The following GALNT14 variants were observed in gnomAD, a reference collection of about 807,000 sequenced individuals.
The protein encoded by GALNT14 is polypeptide N-acetylgalactosaminyltransferase 14, also known as UDP-GalNAc:polypeptide N-acetylgalactosaminyltransferase 14.
A neutral mutation model predicts 77.5 loss-of-function variants in GALNT14; 60 were observed. That is an observed-to-expected ratio of 0.77 (90% CI 0.63 to 0.96). The LOEUF (loss-of-function observed/expected upper bound fraction) is 0.96. Among genes scored for constraint, GALNT14 ranks in the 40% least tolerant of loss-of-function variants. GALNT14 has a pLI of 0.00. For synonymous variants in GALNT14, 280 were observed against 281.7 expected (o/e 0.99, Z 0.06); for missense variants, 710 against 731.0 (o/e 0.97, Z 0.33).
In GALNT14 at chr2:31,119,850, T is replaced by C. The variant is rs1001447362; in HGVS notation, c.129+18108A>G. Among the ~76,000 whole-genome samples, 7 of 152,356 alleles carry C rather than the reference T, an allele frequency of 4.6e-5. 1 individual carries two copies. Among genetic ancestry groups the C allele is most frequent in the Admixed American group, 2.6e-4 (4 of 15,306 alleles). On this transcript the variant is annotated intron_variant, in intron 1 of 14. Coordinates refer to ENST00000349752, the MANE Select transcript of GALNT14 (RefSeq NM_024572.4). Reference sequence around the variant, plus strand: ...GTTACATCCACACTGCAGAATATTATGCAGTCATTAAAAATAATGAGCTAG... The same window carrying C: ...GTTACATCCACACTGCAGAATATTACGCAGTCATTAAAAATAATGAGCTAG...
chr2:31,114,321 A>T (rs563632549), intron 1 of GALNT14, among the ~76,000 whole-genome samples: 2 of 152,242 alleles, frequency 1.3e-5, no homozygotes, highest in South Asian at 4.1e-4. Flanking sequence ...AGCTGGAGAC[A>T]TGAGCAAACA....
chr2:31,009,030 G>C (rs1670854341), intron 1 of GALNT14, among the ~76,000 whole-genome samples: 1 of 152,166 alleles, frequency 6.6e-6, no homozygotes, highest in African/African-American at 2.4e-5. Context: ...CAATGCCCCG[G>C]GCTGCAGGAG....
chr2:31,124,008 G>C (rs980670372), intron 1 of GALNT14, among the ~76,000 whole-genome samples: 1 of 152,194 alleles, frequency 6.6e-6, no homozygotes, highest in African/African-American at 2.4e-5. Context: ...GGCCAGCAGA[G>C]AGCCACTGCT....
chr2:31,074,045 C>T (rs1675598161), intron 1 of GALNT14, among the ~76,000 whole-genome samples: 1 of 152,132 alleles, frequency 6.6e-6, no homozygotes, highest in Admixed American at 6.5e-5. Flanking sequence ...CCAACAGCTG[C>T]CTGTGAGTTG....
chr2:30,973,965 G>A (rs1668500896), intron 2 of GALNT14, among the ~76,000 whole-genome samples: 3 of 152,190 alleles, frequency 2.0e-5, no homozygotes, highest in Admixed American at 2.0e-4. Flanking sequence ...ATAGAGAAGT[G>A]AACTGCTTAG....
chr2:30,940,873 T>C (rs1666337205), intron 9 of GALNT14, among the ~76,000 whole-genome samples: 1 of 152,186 alleles, frequency 6.6e-6, no homozygotes, highest in Admixed American at 6.5e-5. Flanking sequence ...GGGGTGTTTT[T>C]CTGTTTTGTT....
chr2:30,906,078 G>T (rs1420378852), downstream of GALNT14, among the ~76,000 whole-genome samples: 4 of 150,788 alleles, frequency 2.7e-5, no homozygotes, highest in African/African-American at 9.7e-5. Context: ...ACATGGAAAG[G>T]AACAACCAGT....
In GALNT14 at chr2:31,003,441, A is replaced by G. The variant is rs555757824; in HGVS notation, c.130-10434T>C. 2.3e-3 allele frequency among the ~76,000 whole-genome samples: 348 copies of G among 152,302 alleles called. 2 individuals carry two copies. The highest frequency in any genetic ancestry group is 8.1e-3 in the African/African-American group (336 of 41,572). On this transcript the variant is annotated intron_variant, in intron 1 of 14. Transcript: ENST00000349752. ...CTCAACAGCCAGGTGCCTAGAAAATAAGTCTGCTAAGAGTTGCTCTGCTGT... is the reference window on the plus strand; with the variant it reads ...CTCAACAGCCAGGTGCCTAGAAAATGAGTCTGCTAAGAGTTGCTCTGCTGT...
chr2:30,949,966 C>A (rs1157893865), intron 6 of GALNT14, among the ~76,000 whole-genome samples: 1 of 152,188 alleles, frequency 6.6e-6, no homozygotes, highest in Non-Finnish European at 1.5e-5. Flanking sequence ...GTTGACAGGA[C>A]ACCTGGGTTC....
At chr2:30,902,836 G>T in the GALNT14 span, among the ~76,000 whole-genome samples, 1 of 152,138 alleles carries the variant, frequency 6.6e-6, no homozygotes, top group Non-Finnish European at 1.5e-5. Context: ...GGACAGATGA[G>T]GACGATCCCA....
intron 2 of GALNT14, among the ~76,000 whole-genome samples, chr2:30,971,058 C>A: frequency 6.6e-6 from 1 of 152,124 alleles, no homozygotes; most frequent in Non-Finnish European, 1.5e-5. Flanking sequence ...GAGCCCTACA[C>A]ACGAGTCATC....
intron 1 of GALNT14, among the ~76,000 whole-genome samples, chr2:31,134,085 G>A (rs540195654): frequency 1.3e-5 from 2 of 152,302 alleles, no homozygotes; most frequent in African/African-American, 4.8e-5. Context: ...CTAGGTGAGT[G>A]GAGACATTTC....
chr2:31,020,696 T>C (rs944959905), intron 1 of GALNT14, among the ~76,000 whole-genome samples: 2 of 152,182 alleles, frequency 1.3e-5, no homozygotes, highest in African/African-American at 4.8e-5. Flanking sequence ...CAACCCACCT[T>C]CTGTCTTGCC....
intron 2 of GALNT14, among the ~76,000 whole-genome samples, chr2:30,986,691 A>T (rs1446540646): frequency 6.6e-6 from 1 of 152,362 alleles, no homozygotes; most frequent in South Asian, 2.1e-4. Flanking sequence ...TCCTCTGGAC[A>T]ATCATCTCAG....
At chr2:31,031,486 C>A (rs1395230664) in intron 1 of GALNT14, among the ~76,000 whole-genome samples, 2 of 152,090 alleles carry the variant, frequency 1.3e-5, no homozygotes, top group African/African-American at 4.8e-5. Context: ...TACTTTCGGT[C>A]CAGTCTATCT....
intron 1 of GALNT14, among the ~76,000 whole-genome samples, chr2:31,026,432 T>C (rs1672061087): frequency 6.6e-6 from 1 of 152,146 alleles, no homozygotes; most frequent in Admixed American, 6.5e-5. Context: ...GCAGAGTGTC[T>C]TGTCTTCTCT....
At chr2:31,114,784 T>C (rs983535485) in intron 1 of GALNT14, 5 of 717,622 alleles carry the variant, frequency 7.0e-6, no homozygotes, top group Non-Finnish European at 5.2e-6. Context: ...GGAACTGAGC[T>C]TCTTGCAAGA....
chr2:30,999,480 G>A (rs12465448), intron 1 of GALNT14, among the ~76,000 whole-genome samples: 41,708 of 151,980 alleles, frequency 0.27, 5,913 homozygotes, highest in East Asian at 0.36. Flanking sequence ...TTGCACCTCC[G>A]AAAAATTAAC....
In GALNT14 at chr2:31,129,577, C is replaced by A. The variant is rs182998957; in HGVS notation, c.129+8381G>T. Reference sequence around the variant, plus strand: ...CCACGTGGCCTGATCTCCCTGAGATCCTAGGAAACAATAAGCCTGAAATAC... The same window carrying A: ...CCACGTGGCCTGATCTCCCTGAGATACTAGGAAACAATAAGCCTGAAATAC... On this transcript the variant is annotated intron_variant, in intron 1 of 14. Transcript: ENST00000349752. 3.3e-4 allele frequency: 322 copies of A among 985,320 alleles called. 1 individual carries two copies. The African/African-American group carries it at 5.1e-3, about 16-fold the overall frequency. The allele number at this position is 985,320 out of a possible 1,614,324, so 61.0% of individuals were successfully genotyped here. A position where few individuals can be genotyped will look rare whatever the true frequency, so the allele number is the denominator to read the frequency against.
Sources: allele counts gnomAD v4.1 joint callset (sites outside exome capture counted in the v4.1 genomes callset), GRCh38; gene constraint gnomAD v4.1.1; transcripts MANE v1.5; gene names NCBI Gene and HGNC (gene_info 2026-07-23, HGNC 2026-07-21).